The following EPSTI1 variants were observed in gnomAD, a reference collection of about 807,000 sequenced individuals.
The protein encoded by EPSTI1 is epithelial-stromal interaction protein 1.
In EPSTI1, 66 loss-of-function variants were observed where a neutral mutation model predicts 49.9. The ratio of observed to expected loss-of-function variants is 1.32; its 90% confidence interval spans 1.08 to 1.62. EPSTI1 has a LOEUF of 1.62. Ranked by LOEUF, EPSTI1 falls within the 40% of genes most tolerant of loss-of-function variation. The pLI is 0.00. For synonymous variants in EPSTI1, 137 were observed against 130.7 expected (o/e 1.05, Z -0.33); for missense variants, 394 against 365.5 (o/e 1.08, Z -0.64).
At chr13:42,911,120 AC>A (rs2037659454) in intron 8 of EPSTI1, among the ~76,000 whole-genome samples, 1 of 152,190 alleles carries the variant, frequency 6.6e-6, no homozygotes, top group African/African-American at 2.4e-5. Flanking sequence ...AATAAACTCT[AC>A]TTTCCTTTGG....
chr13:42,916,518 A>C (rs752659485), intron 8 of EPSTI1, among the ~76,000 whole-genome samples: 18 of 152,214 alleles, frequency 1.2e-4, no homozygotes, highest in Non-Finnish European at 2.1e-4. Flanking sequence ...AACACTAATG[A>C]ATACAAATAG....
rs542974822 is a variant in EPSTI1, at chr13:42,936,458, T to C, written c.564-10029A>G. On this transcript the variant is annotated intron_variant, in intron 6 of 10. Coordinates refer to ENST00000313624, the MANE Select transcript of EPSTI1 (RefSeq NM_033255.5). ...GCCACTGTCACTGGTCCTTCTCTCA[T>C]TTGAACTTTCAACACTAGTAAGGAA... Among the ~76,000 whole-genome samples the C allele has an allele frequency of 5.9e-5, 9 of 152,340 alleles. No homozygotes were observed. The East Asian group carries it at 1.7e-3, about 29-fold the overall frequency.
chr13:42,921,461 T>C (rs2037990870), intron 7 of EPSTI1, among the ~76,000 whole-genome samples: 1 of 152,216 alleles, frequency 6.6e-6, no homozygotes, highest in South Asian at 2.1e-4. Flanking sequence ...TTACCTTCCA[T>C]GTGTCTTCTC....
Position 42,922,689 on chromosome 13 carries a change from G to A in EPSTI1, c.657+3647C>T, listed in dbSNP as rs546169729. On this transcript the variant is annotated intron_variant, in intron 7 of 10. Coordinates refer to ENST00000313624, the MANE Select transcript of EPSTI1 (RefSeq NM_033255.5). The surrounding 1 kb of genome is among the most constrained non-coding windows in gnomAD (Gnocchi z 4.8). ...ATGTTGCGGTGGAAGTGGGATTCAA[G>A]CGGCGCAAAGGGACACATGTTAAGT... 2.6e-5 allele frequency among the ~76,000 whole-genome samples: 4 copies of A among 152,292 alleles called. No homozygotes were observed. The highest frequency in any genetic ancestry group is 9.6e-5 in the African/African-American group (4 of 41,586).
chr13:42,975,760 C>T (rs1341774705), intron 1 of EPSTI1, among the ~76,000 whole-genome samples: 2 of 151,966 alleles, frequency 1.3e-5, no homozygotes, highest in Middle Eastern at 3.2e-3. Context: ...TAGAATCGAC[C>T]TGAGATGATG....
intron 8 of EPSTI1, among the ~76,000 whole-genome samples, chr13:42,905,308 GGGA>G: frequency 2.6e-5 from 4 of 152,262 alleles, no homozygotes; most frequent in African/African-American, 9.6e-5. Context: ...GATGGCCGAA[GGGA>G]AGGTGCTGGC....
chr13:42,980,553 C>T (rs1209200434), intron 1 of EPSTI1, among the ~76,000 whole-genome samples: 1 of 152,152 alleles, frequency 6.6e-6, no homozygotes, highest in Non-Finnish European at 1.5e-5. Context: ...ATAAAACTTA[C>T]TCACTTTCGA....
At chr13:42,981,574 G>A (rs947390087) in intron 1 of EPSTI1, among the ~76,000 whole-genome samples, 6 of 152,204 alleles carry the variant, frequency 3.9e-5, no homozygotes, top group Non-Finnish European at 8.8e-5. Flanking sequence ...ATGGAATCCA[G>A]TGCAGAAAAG....
In EPSTI1 at chr13:42,926,575, G is replaced by C. The variant is rs1039224805; in HGVS notation, c.564-146C>G. ...CAGAAAGTTACGTTGAGAACAAGGTGTAGCAGAAATCAAAACAAAATGCTA... is the reference window on the plus strand; with the variant it reads ...CAGAAAGTTACGTTGAGAACAAGGTCTAGCAGAAATCAAAACAAAATGCTA... On this transcript the variant is annotated intron_variant, in intron 6 of 10. Coordinates refer to ENST00000313624, the MANE Select transcript of EPSTI1 (RefSeq NM_033255.5). The C allele has an allele frequency of 4.6e-6, 3 of 651,338 alleles. No individual in the cohort carries two copies. The African/African-American group carries it at 5.4e-5, about 12-fold the overall frequency. 40.3% of individuals were successfully genotyped at this position (651,338 alleles called of 1,614,324 possible).
intron 5 of EPSTI1, among the ~76,000 whole-genome samples, chr13:42,957,990 T>A (rs2039325864): frequency 6.6e-6 from 1 of 152,248 alleles, no homozygotes; most frequent in Admixed American, 6.5e-5. Context: ...CAGACTGGTC[T>A]CAAAGCCCTG....
At position 42,888,486 on chromosome 13, in the gene EPSTI1, ATATTTTC is replaced by A; in HGVS notation, c.*1_*7del. 6.2e-7 allele frequency: 1 copy of A among 1,613,494 alleles called. No individual in the cohort carries two copies. On this transcript the variant is annotated 3_prime_UTR_variant, in exon 11 of 11. Coordinates refer to ENST00000313624, the MANE Select transcript of EPSTI1 (RefSeq NM_033255.5). ...GTTGATGAAGGCCAGATAGGAGTCA[ATATTTTC>A]TCATATACCCTGGAAGAAAAAGAAA...
At chr13:42,919,476 T>C (rs1490273313) in intron 7 of EPSTI1, 2 of 749,028 alleles carry the variant, frequency 2.7e-6, no homozygotes, top group African/African-American at 1.8e-5. Context: ...TATTTTATCA[T>C]TCAACCAAAA....
intron 8 of EPSTI1, among the ~76,000 whole-genome samples, chr13:42,914,865 T>C (rs1016653037): frequency 3.9e-5 from 6 of 152,062 alleles, no homozygotes; most frequent in African/African-American, 1.4e-4. Flanking sequence ...ATTGAAGATA[T>C]AGAAAAAAGA....
intron 6 of EPSTI1, among the ~76,000 whole-genome samples, chr13:42,949,605 A>AG (rs1001843608): frequency 1.3e-5 from 2 of 151,738 alleles, no homozygotes; most frequent in African/African-American, 4.8e-5. Flanking sequence ...AAAAAAAAAA[A>AG]AAAGAAAAGA....
chr13:42,946,651 C>T (rs973545253), intron 6 of EPSTI1, among the ~76,000 whole-genome samples: 2 of 152,204 alleles, frequency 1.3e-5, no homozygotes, highest in Non-Finnish European at 1.5e-5. Context: ...TAGAAGTCAA[C>T]TGCCCAAGTC....
intron 3 of EPSTI1, among the ~76,000 whole-genome samples, chr13:42,968,063 T>C (rs1594746609): frequency 2.6e-5 from 4 of 152,250 alleles, no homozygotes; most frequent in Admixed American, 2.6e-4. Flanking sequence ...CTCTACTGTT[T>C]GAAAGAGACC....
In EPSTI1 at chr13:42,951,599, T is replaced by C. The variant is rs369675003; in HGVS notation, c.563+2349A>G. 4.6e-5 allele frequency among the ~76,000 whole-genome samples: 7 copies of C among 152,282 alleles called. No individual in the cohort carries two copies. In the South Asian group the frequency reaches 1.5e-3, roughly 32 times the overall value. ...TTCTTTATAGAAAAAGGGTGATTGA[T>C]CTTCTGTATTTAGTAAAACACAAAC... On this transcript the variant is annotated intron_variant, in intron 6 of 10. Transcript: ENST00000313624.
chr13:42,930,954 G>A lies in EPSTI1; in HGVS notation c.564-4525C>T. ...TCTAAAATGTGTTTCTCTGCTTCCT[G>A]CATATATAGCTAGACTACGTTTCCC... On this transcript the variant is annotated intron_variant, in intron 6 of 10. Coordinates refer to ENST00000313624, the MANE Select transcript of EPSTI1 (RefSeq NM_033255.5). Among the ~76,000 whole-genome samples the A allele has an allele frequency of 1.3e-5, 2 of 152,160 alleles. 1 individual carries two copies. The highest frequency in any genetic ancestry group is 6.3e-3 in the Middle Eastern group (2 of 316).
intron 8 of EPSTI1, among the ~76,000 whole-genome samples, chr13:42,915,271 C>G (rs2037797002): frequency 6.6e-6 from 1 of 152,162 alleles, no homozygotes; most frequent in Non-Finnish European, 1.5e-5. Flanking sequence ...GTGGCTCATG[C>G]CTGTAATCCC....
Sources: gnomAD v4.1 joint callset for allele counts (sites outside exome capture counted in the v4.1 genomes callset) on GRCh38, gnomAD v4.1.1 for gene constraint, Gnocchi (gnomAD v3.1) non-coding constraint, MANE v1.5 for transcripts, NCBI Gene and HGNC (gene_info 2026-07-23, HGNC 2026-07-21) for gene names.